The following RALGPS2 variants were observed in gnomAD, a reference collection of about 807,000 sequenced individuals.
The protein encoded by RALGPS2 is Ral GEF with PH domain and SH3 binding motif 2, also known as ras-specific guanine nucleotide-releasing factor RalGPS2.
RALGPS2 carries 43 observed loss-of-function variants against 86.8 expected under a neutral mutation model. The observed-to-expected ratio is 0.50, with a 90% CI of 0.39 to 0.64. RALGPS2 has a LOEUF of 0.64. Among genes scored for constraint, RALGPS2 ranks in the 30% least tolerant of loss-of-function variants. RALGPS2 has a pLI of 0.00. For synonymous variants in RALGPS2, 243 were observed against 231.3 expected (o/e 1.05, Z -0.46); for missense variants, 536 against 694.6 (o/e 0.77, Z 2.57).
At chr1:178,800,608 C>T (rs1056929941) in intron 4 of RALGPS2, among the ~76,000 whole-genome samples, 4 of 152,152 alleles carry the variant, frequency 2.6e-5, no homozygotes, top group African/African-American at 4.8e-5. Context: ...ATACAAAATA[C>T]ATGTTAATCA....
chr1:178,726,921 A>G (rs1650050197), intron 1 of RALGPS2, among the ~76,000 whole-genome samples: 1 of 152,234 alleles, frequency 6.6e-6, no homozygotes. Flanking sequence ...ATAGAATCAT[A>G]CACATAAGTG....
chr1:178,733,437 G>C (rs1286043395), intron 1 of RALGPS2, among the ~76,000 whole-genome samples: 1 of 152,188 alleles, frequency 6.6e-6, no homozygotes, highest in Non-Finnish European at 1.5e-5. Flanking sequence ...TTCAGAAAAT[G>C]AATTGTTCAG....
intron 1 of RALGPS2, among the ~76,000 whole-genome samples, chr1:178,770,459 TAC>T (rs1159713397): frequency 6.6e-6 from 1 of 152,030 alleles, no homozygotes; most frequent in Non-Finnish European, 1.5e-5. Flanking sequence ...GTCACACGTA[TAC>T]ATACTGTTTT....
At chr1:178,828,654 C>T (rs548428547) in intron 7 of RALGPS2, among the ~76,000 whole-genome samples, 18 of 152,316 alleles carry the variant, frequency 1.2e-4, no homozygotes, top group African/African-American at 3.8e-4. Flanking sequence ...ACAAGTCCCA[C>T]AGGTATATCA....
At chr1:178,758,232 C>G (rs1652048990) in intron 1 of RALGPS2, among the ~76,000 whole-genome samples, 1 of 151,836 alleles carries the variant, frequency 6.6e-6, no homozygotes, top group African/African-American at 2.4e-5. Context: ...AAAGAACCAA[C>G]TTTTGGTTTC....
intron 10 of RALGPS2, among the ~76,000 whole-genome samples, chr1:178,880,917 A>G (rs181219741): frequency 6.6e-6 from 1 of 152,312 alleles, no homozygotes. Flanking sequence ...GTAAATTGAC[A>G]TATCATATAA....
intron 16 of RALGPS2, among the ~76,000 whole-genome samples, chr1:178,896,566 C>T (rs1395542245): frequency 6.7e-6 from 1 of 149,462 alleles, no homozygotes; most frequent in African/African-American, 2.5e-5. Flanking sequence ...GCGCTGCACC[C>T]ACTAACTCGT....
intron 11 of RALGPS2, 47 bp from the exon 12 acceptor site, chr1:178,885,029 G>A: frequency 6.7e-7 from 1 of 1,500,298 alleles, no homozygotes; most frequent in Non-Finnish European, 8.9e-7. Context: ...TCAAGGGACT[G>A]AAAAATAAAG....
At chr1:178,742,814 G>A (rs1651107769) in intron 1 of RALGPS2, among the ~76,000 whole-genome samples, 1 of 152,162 alleles carries the variant, frequency 6.6e-6, no homozygotes, top group South Asian at 2.1e-4. Flanking sequence ...GGAAAATCTG[G>A]TCTTTGGAAA....
intron 6 of RALGPS2, among the ~76,000 whole-genome samples, chr1:178,817,121 A>T (rs1655268641): frequency 6.6e-6 from 1 of 151,710 alleles, no homozygotes; most frequent in Non-Finnish European, 1.5e-5. Context: ...GCACTTTGGG[A>T]GGCTGAGGCG....
At chr1:178,877,921 T>C (rs1337930605) in intron 9 of RALGPS2, among the ~76,000 whole-genome samples, 2 of 152,168 alleles carry the variant, frequency 1.3e-5, no homozygotes, top group Non-Finnish European at 2.9e-5. Flanking sequence ...AGGCACTAAG[T>C]ATTTAATATT....
chr1:178,862,715 A>T (rs534411713), intron 8 of RALGPS2, among the ~76,000 whole-genome samples: 1 of 151,934 alleles, frequency 6.6e-6, no homozygotes, highest in Middle Eastern at 3.2e-3. Context: ...AAAATGAGTG[A>T]ATTTGTTTTA....
intron 1 of RALGPS2, among the ~76,000 whole-genome samples, chr1:178,775,223 A>G (rs555520348): frequency 6.6e-6 from 1 of 152,308 alleles, no homozygotes; most frequent in Non-Finnish European, 1.5e-5. Context: ...CCTATTTTAT[A>G]GATGAGAAAA....
chr1:178,783,750 G>A (rs1653509735), intron 2 of RALGPS2, among the ~76,000 whole-genome samples: 1 of 152,116 alleles, frequency 6.6e-6, no homozygotes. Flanking sequence ...AGCTGATACA[G>A]AATATATTAT....
intron 8 of RALGPS2, among the ~76,000 whole-genome samples, chr1:178,834,306 T>C (rs1656165701): frequency 6.6e-6 from 1 of 152,182 alleles, no homozygotes; most frequent in African/African-American, 2.4e-5. Flanking sequence ...GATTTGGTGC[T>C]TTCTGGTCCT....
rs560741664 is a variant in RALGPS2 at position 178,921,580 on chromosome 1, C to T, written c.*5221C>T. ...ATCAAACATCTGTAAGGACAGGTAC[C>T]CAGTGATGATAATATATCTGAAAAC... On this transcript the variant is annotated 3_prime_UTR_variant, in exon 20 of 20. Transcript: ENST00000367635. The T allele has an allele frequency of 6.6e-6, 1 of 151,974 alleles. No homozygotes were observed. The highest frequency in any genetic ancestry group is 1.9e-4 in the East Asian group (1 of 5,176). The allele number at this position is 151,974 out of a possible 1,614,324, so 9.4% of individuals were successfully genotyped here. A position where few individuals can be genotyped will look rare whatever the true frequency, so the allele number is the denominator to read the frequency against.
At chr1:178,871,690 G>A (rs1658767780) in intron 8 of RALGPS2, among the ~76,000 whole-genome samples, 2 of 152,128 alleles carry the variant, frequency 1.3e-5, no homozygotes, top group South Asian at 4.1e-4. Context: ...ACATTCTGGT[G>A]TTACATAATG....
At chr1:178,891,916 GT>G (rs34211444) in intron 14 of RALGPS2, among the ~76,000 whole-genome samples, 70,692 of 149,870 alleles carry the variant, frequency 0.47, 17,822 homozygotes, top group African/African-American at 0.66. Context: ...TATTTTTGAG[GT>G]TTTTTTTTTA....
rs1420716296 is a variant in RALGPS2 at position 178,810,138 on chromosome 1, C to A, written c.298-1177C>A. 2.6e-5 allele frequency among the ~76,000 whole-genome samples: 4 copies of A among 151,438 alleles called. No homozygotes were observed. In the South Asian group the frequency reaches 6.3e-4, roughly 24 times the overall value. ...GTGGCTCATGCCTGTAATCCCAGCA[C>A]TTTGGGAGGCAGAGGCTGGTGGATC... On this transcript the variant is annotated intron_variant, in intron 5 of 19. Transcript: ENST00000367635.
Sources: gnomAD v4.1 joint callset for allele counts (sites outside exome capture counted in the v4.1 genomes callset) on GRCh38, gnomAD v4.1.1 for gene constraint, MANE v1.5 for transcripts, NCBI Gene and HGNC (gene_info 2026-07-23, HGNC 2026-07-21) for gene names.